ST6GALNAC6: variants seen among roughly 807,000 people sequenced by gnomAD.
The protein encoded by ST6GALNAC6 is alpha-N-acetylgalactosaminide alpha-2,6-sialyltransferase 6.
ST6GALNAC6 carries 19 observed loss-of-function variants against 34.3 expected under a neutral mutation model. The observed-to-expected ratio is 0.55, with a 90% confidence interval of 0.39 to 0.81. The LOEUF (loss-of-function observed/expected upper bound fraction) is 0.81. Ranked by LOEUF, ST6GALNAC6 falls within the 40% of genes least tolerant of loss-of-function variation. The pLI, the probability that ST6GALNAC6 is intolerant of heterozygous loss-of-function variation, is 0.00. For synonymous variants in ST6GALNAC6, 185 were observed against 182.1 expected (o/e 1.02, Z -0.13); for missense variants, 377 against 467.7 (o/e 0.81, Z 1.79).
At chr9:127,888,865 C>T in intron 5 of ST6GALNAC6, among the ~76,000 whole-genome samples, 1 of 152,048 alleles carries the variant, frequency 6.6e-6, no homozygotes, top group East Asian at 1.9e-4. Flanking sequence ...CTCCCTAAGA[C>T]TAGGACCAAG....
Position 127,886,959 on chromosome 9 carries a change from C to G in ST6GALNAC6, c.813-171G>C, listed in dbSNP as rs1829803115. ...GCAGGGTAGACTAGGTGTGTAACCACCAATTTTTTTTTTTTTTTTAAATGC... is the reference window on the plus strand; with the variant it reads ...GCAGGGTAGACTAGGTGTGTAACCAGCAATTTTTTTTTTTTTTTTAAATGC... On this transcript the variant is annotated intron_variant, in intron 6 of 6. Transcript: ENST00000373146. Among the ~76,000 whole-genome samples the G allele has an allele frequency of 6.6e-5, 4 of 60,352 alleles. 1 individual carries two copies. The South Asian group carries it at 3.3e-3, about 50-fold the overall frequency. The allele number at this position is 60,352 out of a possible 152,430, so 39.6% of individuals were successfully genotyped here.
chr9:127,887,187 C>T (rs956876990), intron 6 of ST6GALNAC6, among the ~76,000 whole-genome samples: 4 of 152,230 alleles, frequency 2.6e-5, no homozygotes, highest in African/African-American at 9.6e-5. Flanking sequence ...AAGTGAGAGA[C>T]TACATGTGGC....
chr9:127,901,822 A>G (rs1020669516), upstream of ST6GALNAC6, among the ~76,000 whole-genome samples: 2 of 151,768 alleles, frequency 1.3e-5, no homozygotes, highest in African/African-American at 4.8e-5. Flanking sequence ...AGTCCTAGCT[A>G]CCCTGGAGGT....
At chr9:127,886,917 C>T (rs1829799054) in intron 6 of ST6GALNAC6, 129 bp from the exon 7 acceptor site, 2 of 983,778 alleles carry the variant, frequency 2.0e-6, no homozygotes, top group Non-Finnish European at 2.9e-6. Context: ...CTCGGTTTCC[C>T]CATCCATAAA....
chr9:127,894,342 G>T (rs1001849537), intron 4 of ST6GALNAC6, among the ~76,000 whole-genome samples, 170 bp downstream of exon 4: 3 of 152,108 alleles, frequency 2.0e-5, no homozygotes, highest in Admixed American at 2.0e-4. Flanking sequence ...GAGAACTGAG[G>T]CCCAGACAGG....
At chr9:127,906,064 CA>C, upstream of ST6GALNAC6, 2 of 979,912 alleles carry the variant, frequency 2.0e-6, no homozygotes, top group South Asian at 9.4e-5. Flanking sequence ...GTCCACCTGG[CA>C]CTGGGCAGGA....
Position 127,886,804 on chromosome 9 carries a change from C to T in ST6GALNAC6, c.813-16G>A, listed in dbSNP as rs760258146. On this transcript the variant is annotated splice_polypyrimidine_tract_variant and intron_variant, in intron 6 of 6. Coordinates refer to ENST00000373146, the MANE Select transcript of ST6GALNAC6 (RefSeq NM_013443.5). ...GGGCCGCTGGCTGGGACAGAGCAGACGGGCGTCATCAGGGCAAGGTGAGCG... is the reference window on the plus strand; with the variant it reads ...GGGCCGCTGGCTGGGACAGAGCAGATGGGCGTCATCAGGGCAAGGTGAGCG... The T allele has an allele frequency of 3.8e-6, 6 of 1,582,214 alleles. No homozygotes were observed. Among genetic ancestry groups the T allele is most frequent in the Admixed American group, 3.6e-5 (2 of 55,954 alleles).
At chr9:127,893,883 G>A (rs774184005) in intron 4 of ST6GALNAC6, among the ~76,000 whole-genome samples, 2 of 152,208 alleles carry the variant, frequency 1.3e-5, no homozygotes, top group African/African-American at 2.4e-5. Flanking sequence ...GTACTACAGG[G>A]TGAACCTCAG....
In ST6GALNAC6 at chr9:127,890,655, C is replaced by G. The variant is rs758381573; in HGVS notation, c.686G>C (p.Gly229Ala). Residue 229 changes from glycine (G) to alanine (A), a missense_variant, in exon 5 of 7, where the codon GGT becomes GCT. Coordinates refer to ENST00000373146, the MANE Select transcript of ST6GALNAC6 (RefSeq NM_013443.5). This position sits in a 1 kb window ranked among gnomAD's most constrained non-coding sequence, Gnocchi z 4.3. Reference protein sequence around the residue: ...RMRQFDDLFRGETGKDREKSH... With the variant: ...RMRQFDDLFRAETGKDREKSH... ...CTGGTACCTGTCCTTGCCCGTCTCA[C>G]CCCGGAAGAGGTCGTCAAATTGCCG... 9.3e-6 allele frequency: 15 copies of G among 1,613,242 alleles called. No individual in the cohort carries two copies. Among genetic ancestry groups the G allele is most frequent in the Non-Finnish European group, 1.3e-5 (15 of 1,180,036 alleles).
intron 1 of ST6GALNAC6, among the ~76,000 whole-genome samples, chr9:127,899,062 C>T (rs1326903715): frequency 6.6e-6 from 1 of 152,180 alleles, no homozygotes; most frequent in East Asian, 1.9e-4. Context: ...GATCGGGACG[C>T]CCCCACGAAC....
chr9:127,896,263 C>CATTTCTCT lies in ST6GALNAC6; in HGVS notation c.95_96insAGAGAAAT (p.Arg33GlufsTer3), dbSNP rs768871112. Reference sequence around the variant, plus strand: ...TTACTTTGTTGCTACTCATTTCTCTCCGGCGTCTGCTGAGGGGTAGGTGTC... The same window carrying CATTTCTCT: ...TTACTTTGTTGCTACTCATTTCTCTCATTTCTCTCGGCGTCTGCTGAGGGGTAGGTGTC... On this transcript the variant is annotated frameshift_variant, in exon 3 of 7. Coordinates refer to ENST00000373146, the MANE Select transcript of ST6GALNAC6 (RefSeq NM_013443.5). LOFTEE classifies it high-confidence loss of function. The CATTTCTCT allele has an allele frequency of 7.4e-6, 12 of 1,614,046 alleles. No individual in the cohort carries two copies. The highest frequency in any genetic ancestry group is 1.3e-5 in the African/African-American group (1 of 74,940).
At chr9:127,891,738 A>G (rs1048749405) in intron 4 of ST6GALNAC6, among the ~76,000 whole-genome samples, 1 of 109,366 alleles carries the variant, frequency 9.1e-6, no homozygotes, top group East Asian at 3.5e-4. Context: ...GGGGAGGGGG[A>G]GGGGGAGGGG....
chr9:127,905,140 G>T, intron 1 of ST6GALNAC6: 2 of 877,292 alleles, frequency 2.3e-6, no homozygotes, highest in Non-Finnish European at 2.7e-6. Flanking sequence ...GAAAACAGAG[G>T]CCCAAAGAGT....
intron 4 of ST6GALNAC6, among the ~76,000 whole-genome samples, chr9:127,893,569 T>G (rs1289306829): frequency 1.3e-5 from 2 of 152,210 alleles, no homozygotes; most frequent in Admixed American, 1.3e-4. Context: ...ACATCCCACG[T>G]ACCTCGACTG....
At chr9:127,897,090 T>TG (rs1201116596) in intron 2 of ST6GALNAC6, 20 of 892,386 alleles carry the variant, frequency 2.2e-5, no homozygotes, top group Non-Finnish European at 2.4e-5. Context: ...AGGGGGTGGC[T>TG]GGGGGGGCCT....
upstream of ST6GALNAC6, among the ~76,000 whole-genome samples, chr9:127,905,695 C>A (rs926253718): frequency 1.3e-5 from 2 of 152,226 alleles, no homozygotes; most frequent in African/African-American, 4.8e-5. Flanking sequence ...GCTGGCTCCA[C>A]ATGTCAAGTG....
intron 1 of ST6GALNAC6, 148 bp downstream of exon 1, chr9:127,899,355 A>T: frequency 2.8e-6 from 1 of 363,554 alleles, no homozygotes; most frequent in Non-Finnish European, 3.8e-6. Flanking sequence ...CGCGGCTACC[A>T]AGGGGGAAGG....
At chr9:127,889,774 A>G (rs912891567) in intron 5 of ST6GALNAC6, among the ~76,000 whole-genome samples, 11 of 152,208 alleles carry the variant, frequency 7.2e-5, no homozygotes, top group Admixed American at 6.5e-4. Context: ...CCATTTCTAT[A>G]TATTAGCAAT....
chr9:127,890,962 C>A lies in ST6GALNAC6; in HGVS notation c.379G>T (p.Glu127Ter). Reference protein sequence around the residue: ...LLGTKLGPEIERAECTIRMND... With the variant: ...LLGTKLGPEI ...ATGCGGATTGTACACTCAGCCCGCT[C>A]GATCTCAGGGCCCAGCTTGGTGCCC... The change falls in exon 5 of 7, where the codon GAG becomes TAG. Residue 127 changes from glutamate to a stop codon, truncating the protein, a stop_gained. Transcript: ENST00000373146. LOFTEE classifies it high-confidence loss of function. This position sits in a 1 kb window ranked among gnomAD's most constrained non-coding sequence, Gnocchi z 4.3. The A allele has an allele frequency of 1.2e-6, 2 of 1,614,158 alleles. No homozygotes were observed. The highest frequency in any genetic ancestry group is 1.7e-6 in the Non-Finnish European group (2 of 1,180,036).
Sources: allele counts gnomAD v4.1 joint callset (sites outside exome capture counted in the v4.1 genomes callset), GRCh38; gene constraint gnomAD v4.1.1; non-coding constraint Gnocchi (gnomAD v3.1); transcripts MANE v1.5; gene names NCBI Gene and HGNC (gene_info 2026-07-23, HGNC 2026-07-21).